The following HIP1 variants were observed in gnomAD, a reference collection of about 807,000 sequenced individuals.
The protein encoded by HIP1 is huntingtin interacting protein 1.
A neutral mutation model predicts 147.6 loss-of-function variants in HIP1; 65 were observed. That is an observed-to-expected ratio of 0.44 (90% CI 0.36 to 0.54). HIP1 has a LOEUF of 0.54. HIP1 is among the 20% of genes least tolerant of loss of function. HIP1 has a pLI of 0.00. For missense variants in HIP1, 1,061 were observed against 1,299.6 expected (o/e 0.82, Z 2.82); for synonymous variants, 479 against 504.0 (o/e 0.95, Z 0.67).
chr7:75,695,926 C>A (rs1358010211), intron 1 of HIP1, among the ~76,000 whole-genome samples: 1 of 151,510 alleles, frequency 6.6e-6, no homozygotes, highest in African/African-American at 2.4e-5. Flanking sequence ...TGCCCCCGTG[C>A]CTCCAGTATG....
chr7:75,696,944 C>G (rs1800659234), intron 1 of HIP1, among the ~76,000 whole-genome samples: 1 of 151,666 alleles, frequency 6.6e-6, no homozygotes, highest in Admixed American at 6.6e-5. Flanking sequence ...TTACAACTCA[C>G]AGGTCCTCCC....
intron 27 of HIP1, among the ~76,000 whole-genome samples, 170 bp downstream of exon 27, chr7:75,544,525 A>T (rs587711800): frequency 1.4e-4 from 22 of 152,026 alleles, no homozygotes; most frequent in African/African-American, 5.1e-4. Flanking sequence ...ACCCCTTAGT[A>T]CTCTTTAACC....
chr7:75,705,569 C>T (rs1244023484), intron 1 of HIP1, among the ~76,000 whole-genome samples: 2 of 151,986 alleles, frequency 1.3e-5, no homozygotes, highest in Non-Finnish European at 2.9e-5. Context: ...CCATGTTGGG[C>T]AGGCTGGTCT....
intron 5 of HIP1, among the ~76,000 whole-genome samples, chr7:75,585,567 G>A (rs1303371748): frequency 6.6e-6 from 1 of 151,382 alleles, no homozygotes; most frequent in African/African-American, 2.4e-5. Flanking sequence ...CACGCTACAA[G>A]CCCCCTCCCC....
At position 75,539,399 on chromosome 7, in the gene HIP1, C is replaced by G. The variant is rs782775272; in HGVS notation, c.2985G>C (p.Gln995His). The G allele has an allele frequency of 1.2e-6, 2 of 1,614,058 alleles. No individual in the cohort carries two copies. Among genetic ancestry groups the G allele is most frequent in the Non-Finnish European group, 1.7e-6 (2 of 1,179,996 alleles). ...VRVLELENEL[Q>H]KERQKLGELR... is the part of the protein sequence containing the mutation. The stretch of plus-strand genomic sequence containing the variant: ...GCTCTCCCAGTTTTTGACGCTCCTT[C>G]TGCAATTCATTTTCTAGCTCTAGCA... Residue 995 changes from glutamine to histidine, a missense_variant, in exon 30 of 31, where the codon CAG becomes CAC. By Grantham distance (24) the Gln-to-His change is conservative. Coordinates refer to ENST00000336926, the MANE Select transcript of HIP1 (RefSeq NM_005338.7).
At position 75,544,799 on chromosome 7, in the gene HIP1, C is replaced by T. The variant is rs1554490638; in HGVS notation, c.2662G>A (p.Asp888Asn). 1 of 1,600,172 alleles carries T rather than the reference C, an allele frequency of 6.2e-7. No homozygotes were observed. Among genetic ancestry groups the T allele is most frequent in the Non-Finnish European group, 8.6e-7 (1 of 1,167,454 alleles). The change falls in exon 27 of 31, where the codon GAT becomes AAT. Residue 888 changes from aspartate (D) to asparagine (N), a missense_variant and splice_region_variant. Physicochemically the swap from Asp to Asn is conservative, Grantham distance 23. This residue lies in a region of HIP1 where 810 missense variants were observed against 946.8 expected (regional missense o/e 0.86). Transcript: ENST00000336926. ...CCTTGTACCACCAGATCAGCTGCAT[C>T]CCTGATGGAAAACGACAAGAGGGAC... ...AVGWGATVMVDAADLVVQGRG... is the reference protein window; with the variant it reads ...AVGWGATVMVNAADLVVQGRG...
chr7:75,699,970 C>T (rs1800769439), intron 1 of HIP1, among the ~76,000 whole-genome samples: 1 of 152,164 alleles, frequency 6.6e-6, no homozygotes, highest in Admixed American at 6.6e-5. Flanking sequence ...CCTGCCTCAG[C>T]TTCCCTAGTA....
At chr7:75,628,475 C>CTTTTTTTTTTTTTTTTT in intron 1 of HIP1, among the ~76,000 whole-genome samples, 1 of 132,632 alleles carries the variant, frequency 7.5e-6, no homozygotes. Flanking sequence ...TCCTGTACCT[C>CTTTTTTTTTTTTTTTTT]TTTTTTTTTT....
chr7:75,625,941 T>C (rs1798020849), intron 1 of HIP1: 1 of 152,066 alleles, frequency 6.6e-6, no homozygotes, highest in African/African-American at 2.4e-5. Context: ...GCTTGCCCTT[T>C]CTACCTCTTC....
At chr7:75,567,075 G>A (rs1241170516) in intron 9 of HIP1, among the ~76,000 whole-genome samples, 3 of 150,998 alleles carry the variant, frequency 2.0e-5, no homozygotes, top group African/African-American at 7.4e-5. Flanking sequence ...TCACACCACC[G>A]CACTCAAGCC....
At chr7:75,567,986 A>AT (rs1241750803) in intron 9 of HIP1, among the ~76,000 whole-genome samples, 2 of 151,192 alleles carry the variant, frequency 1.3e-5, no homozygotes, top group East Asian at 1.9e-4. Context: ...TTTGTTTTAC[A>AT]TTTTTTTTCT....
chr7:75,582,172 G>T lies in HIP1; in HGVS notation c.466-21C>A, dbSNP rs782671782. The T allele has an allele frequency of 3.1e-6, 5 of 1,598,612 alleles. No homozygotes were observed. In the South Asian group the frequency reaches 5.5e-5, roughly 18 times the overall value. ...GGATTCTGGAAGGGAGGCAGAGGAAGGGAGTCAGGGCAGAAGACATGAAGA... is the reference window on the plus strand; with the variant it reads ...GGATTCTGGAAGGGAGGCAGAGGAATGGAGTCAGGGCAGAAGACATGAAGA... On this transcript the variant is annotated intron_variant, in intron 5 of 30. Coordinates refer to ENST00000336926, the MANE Select transcript of HIP1 (RefSeq NM_005338.7).
chr7:75,563,013 G>T lies in HIP1; in HGVS notation c.942C>A (p.Ile314=), dbSNP rs1271561243. 4 of 1,614,052 alleles carry T rather than the reference G, an allele frequency of 2.5e-6. No individual in the cohort carries two copies. Among genetic ancestry groups the T allele is most frequent in the Admixed American group, 3.3e-5 (2 of 60,004 alleles). ...TGTCGGGGGATGAGGCCTCTGCAGG[G>T]ATCACCACCACAGGGCTGATATGTT... ...LSEHISPVVV[I]PAEASSPDSE... The change falls in exon 11 of 31, where the codon ATC becomes ATA. Residue 314 remains isoleucine (I), a synonymous_variant. Coordinates refer to ENST00000336926, the MANE Select transcript of HIP1 (RefSeq NM_005338.7).
chr7:75,575,819 C>A (rs1795827168), intron 7 of HIP1, among the ~76,000 whole-genome samples: 1 of 152,068 alleles, frequency 6.6e-6, no homozygotes, highest in Non-Finnish European at 1.5e-5. Context: ...CGCGGTCCCT[C>A]TGTGAGTGGA....
At chr7:75,682,913 G>A (rs2705781) in intron 1 of HIP1, among the ~76,000 whole-genome samples, 85,862 of 151,878 alleles carry the variant, frequency 0.57, 24,967 homozygotes, top group African/African-American at 0.69. Flanking sequence ...GGGATGGGGC[G>A]TGCTATCTAA....
chr7:75,570,280 G>A (rs186898067), intron 8 of HIP1, among the ~76,000 whole-genome samples: 6 of 147,632 alleles, frequency 4.1e-5, no homozygotes, highest in Non-Finnish European at 8.9e-5. Context: ...TGGTTAATTA[G>A]TTGTGACACG....
chr7:75,677,546 A>G (rs1554516236), intron 1 of HIP1, among the ~76,000 whole-genome samples: 1 of 147,048 alleles, frequency 6.8e-6, no homozygotes, highest in Non-Finnish European at 1.5e-5. Flanking sequence ...TGGAGTTTGC[A>G]GTGAGCCGAG....
At chr7:75,560,545 C>T (rs1362251855) in intron 13 of HIP1, among the ~76,000 whole-genome samples, 1 of 152,154 alleles carries the variant, frequency 6.6e-6, no homozygotes, top group Non-Finnish European at 1.5e-5. Flanking sequence ...AGCCACTGTG[C>T]CCGGCAAACC....
intron 1 of HIP1, among the ~76,000 whole-genome samples, chr7:75,616,811 G>A (rs587676796): frequency 6.6e-6 from 1 of 152,310 alleles, no homozygotes; most frequent in South Asian, 2.1e-4. Context: ...TGGTGCCTGA[G>A]CCTGTGTCCT....
Sources: allele counts gnomAD v4.1 joint callset (sites outside exome capture counted in the v4.1 genomes callset), GRCh38; gene constraint gnomAD v4.1.1; regional missense constraint gnomAD v4.1.1; transcripts MANE v1.5; gene names NCBI Gene and HGNC (gene_info 2026-07-23, HGNC 2026-07-21).